NEB: variants seen among roughly 807,000 people sequenced by gnomAD.
NEB encodes nemaline myopathy type 2.
A neutral mutation model predicts 952.2 loss-of-function variants in NEB; 512 were observed. The observed-to-expected ratio is 0.54, with a 90% CI of 0.50 to 0.58. NEB has a LOEUF of 0.58. Among genes scored for constraint, NEB ranks in the 20% least tolerant of loss-of-function variants. The pLI is 0.00. For missense variants in NEB, 8,428 were observed against 9,231.1 expected, an observed-to-expected ratio of 0.91 and a Z score of 3.56; for synonymous variants, 2,900 against 3,149.8, an observed-to-expected ratio of 0.92 and a Z score of 2.66.
chr2:151,680,149 T>C (rs2099403524), intron 30 of NEB, 127 bp from the exon 31 acceptor site: 1 of 717,662 alleles, frequency 1.4e-6, no homozygotes, highest in African/African-American at 1.8e-5. Flanking sequence ...CTTTGTGCAT[T>C]TGCATATTCA....
chr2:151,688,105 C>T (rs2099516951), intron 25 of NEB, among the ~76,000 whole-genome samples, 187 bp downstream of exon 25: 1 of 152,132 alleles, frequency 6.6e-6, no homozygotes, highest in Non-Finnish European at 1.5e-5. Flanking sequence ...GTAACAGAGA[C>T]CACAGAAAAT....
rs191097958 is a variant in NEB, at chr2:151,627,238, T to C, written c.10144-33A>G. 6.1e-4 allele frequency: 965 copies of C among 1,588,534 alleles called. 2 individuals carry two copies. Among genetic ancestry groups the C allele is most frequent in the Non-Finnish European group, 5.8e-4 (680 of 1,165,340 alleles). On this transcript the variant is annotated intron_variant, in intron 69 of 181. Transcript: ENST00000397345. Reference sequence around the variant, plus strand: ...GATTAAACACAAAAGCGAGTATTACTGAAGTTGTTTTAACATGATTTCAAA... The same window carrying C: ...GATTAAACACAAAAGCGAGTATTACCGAAGTTGTTTTAACATGATTTCAAA...
At chr2:151,528,533 C>T (rs1275889014) in intron 146 of NEB, among the ~76,000 whole-genome samples, 1 of 152,186 alleles carries the variant, frequency 6.6e-6, no homozygotes, top group Non-Finnish European at 1.5e-5. Context: ...GCCCTCAATC[C>T]ATCCTCAGGA....
rs1671350391 is a variant in NEB, at chr2:151,640,302, G to A, written c.8685+53C>T. ...GCCATATATTGCCATTTTCTCCAAGGGGTGTTAAATAATTTCCCACCTCTG... is the reference window on the plus strand; with the variant it reads ...GCCATATATTGCCATTTTCTCCAAGAGGTGTTAAATAATTTCCCACCTCTG... On this transcript the variant is annotated intron_variant, in intron 61 of 181. Transcript: ENST00000397345. 25 of 1,587,694 alleles carry A rather than the reference G, an allele frequency of 1.6e-5. No homozygotes were observed. In the South Asian group the frequency reaches 2.9e-4, roughly 18 times the overall value.
At chr2:151,571,973 A>G (rs1336590384) in intron 107 of NEB, among the ~76,000 whole-genome samples, 2 of 152,218 alleles carry the variant, frequency 1.3e-5, no homozygotes, top group African/African-American at 2.4e-5. Context: ...GAGTAGGCCT[A>G]TTTTGACAAC....
rs753516486 is a variant in NEB, at chr2:151,514,360, A to G, written c.23085T>C (p.Pro7695=). The G allele has an allele frequency of 3.7e-6, 6 of 1,613,684 alleles. No individual in the cohort carries two copies. The East Asian group carries it at 1.3e-4, about 36-fold the overall frequency. The change falls in exon 159 of 182, where the codon CCT becomes CCC. Residue 7695 remains proline, a synonymous_variant. Coordinates refer to ENST00000397345, the MANE Select transcript of NEB (RefSeq NM_001164508.2). The part of the protein sequence containing the change: ...GKGLTEMEDT[P]DMLRAKNATQ... The stretch of plus-strand genomic sequence containing the variant: ...TGGCATTCTTTGCTCTTAGCATGTC[A>G]GGTGTATCTTCCATTTCAGTGAGGC...
At chr2:151,721,542 G>A (rs892587218) in intron 9 of NEB, among the ~76,000 whole-genome samples, 2 of 152,078 alleles carry the variant, frequency 1.3e-5, no homozygotes, top group African/African-American at 2.4e-5. Flanking sequence ...TTACTCACAC[G>A]TGTTCTGTCT....
chr2:151,486,686 A>G (rs2050719823), intron 181 of NEB: 1 of 152,140 alleles, frequency 6.6e-6, no homozygotes, highest in South Asian at 2.1e-4. Flanking sequence ...ATGGGGTAGT[A>G]ACAAGAATGA....
chr2:151,508,174 A>G (rs1401396173), intron 161 of NEB, 65 bp from the exon 162 acceptor site: 12 of 1,106,312 alleles, frequency 1.1e-5, no homozygotes, highest in Non-Finnish European at 1.6e-5. Flanking sequence ...ATGGGACCTA[A>G]AATAGGCTAT....
Position 151,545,996 on chromosome 2 carries a change from A to G in NEB, c.20469T>C (p.Ser6823=), listed in dbSNP as rs2153604226. Residue 6823 remains serine (S), a splice_region_variant and synonymous_variant, in exon 135 of 182, where the codon TCT becomes TCC. Transcript: ENST00000397345. The part of the protein sequence containing the change: ...VRSRHLRKLW[S]NYLYTDKARK... The stretch of plus-strand genomic sequence containing the variant: ...TTGCCTTATCAGTGTATAGGTAATT[A>G]GACTTAAAAAAAAAAAAAAAAACAG... 7.6e-7 allele frequency: 1 copy of G among 1,323,542 alleles called. No homozygotes were observed. Among genetic ancestry groups the G allele is most frequent in the Non-Finnish European group, 1.0e-6 (1 of 964,248 alleles). The allele number at this position is 1,323,542 out of a possible 1,614,324, so 82.0% of individuals were successfully genotyped here.
intron 145 of NEB, 83 bp downstream of exon 145, chr2:151,530,911 A>G (rs2090356248): frequency 3.5e-6 from 3 of 852,388 alleles, no homozygotes; most frequent in Admixed American, 4.8e-5. Context: ...TTACACAGGA[A>G]TAGATAACTG....
intron 114 of NEB, among the ~76,000 whole-genome samples, 190 bp downstream of exon 114, chr2:151,566,978 C>A (rs2153736786): frequency 6.6e-6 from 1 of 152,254 alleles, no homozygotes; most frequent in South Asian, 2.1e-4. Context: ...CTCAGAAATG[C>A]AGTCAGTAGG....
chr2:151,697,100 A>G, intron 16 of NEB, 48 bp downstream of exon 16: 1 of 1,377,392 alleles, frequency 7.3e-7, no homozygotes, highest in South Asian at 1.2e-5. Flanking sequence ...CCTGACCACT[A>G]GATGCTATGG....
At position 151,492,102 on chromosome 2, in the gene NEB, AAT is replaced by A; in HGVS notation, c.25051_25052del (p.Ile8351TyrfsTer9). ...CCCCAACCCAGGCTCAGTTACCTGT[AAT>A]AGTCTCCTGATCTTGGTCATTCCGT... ...QKRNDQDQET[I>X]TGLRVWRTNP... On this transcript the variant is annotated frameshift_variant, in exon 178 of 182. Transcript: ENST00000397345. LOFTEE classifies it high-confidence loss of function. The A allele has an allele frequency of 6.2e-7, 1 of 1,613,844 alleles. No individual in the cohort carries two copies. The highest frequency in any genetic ancestry group is 8.5e-7 in the Non-Finnish European group (1 of 1,179,796).
chr2:151,550,119 T>C (rs1016897566), intron 129 of NEB, among the ~76,000 whole-genome samples: 38 of 151,736 alleles, frequency 2.5e-4, no homozygotes, highest in African/African-American at 6.5e-4. Flanking sequence ...ATTTTAAAAT[T>C]AGCCAGGCAT....
At chr2:151,691,721 G>A (rs1020947219) in intron 23 of NEB, 143 bp downstream of exon 23, 36 of 659,736 alleles carry the variant, frequency 5.5e-5, no homozygotes, top group African/African-American at 3.3e-4. Flanking sequence ...TGTGTTCCCC[G>A]GTTCCACCCC....
intron 54 of NEB, among the ~76,000 whole-genome samples, chr2:151,647,559 G>A (rs2098976779): frequency 6.6e-6 from 1 of 152,206 alleles, no homozygotes; most frequent in African/African-American, 2.4e-5. Flanking sequence ...TAAGTTATTA[G>A]TAATAGAACA....
chr2:151,663,725 A>G lies in NEB; in HGVS notation c.5586T>C (p.Tyr1862=). ...TGTGGAAGGAGGTCTTGGATTTCTC[A>G]TATCCCTTCTTGTATTCCCGGTCTG... ...MQSDREYKKG[Y]EKSKTSFHTP... Residue 1862 remains tyrosine (Y), a synonymous_variant, in exon 45 of 182, where the codon TAT becomes TAC. Coordinates refer to ENST00000397345, the MANE Select transcript of NEB (RefSeq NM_001164508.2). The G allele has an allele frequency of 3.1e-6, 5 of 1,613,700 alleles. No homozygotes were observed. Among genetic ancestry groups the G allele is most frequent in the Non-Finnish European group, 4.2e-6 (5 of 1,179,742 alleles).
chr2:151,498,409 C>T, intron 169 of NEB, 57 bp from the exon 170 acceptor site: 1 of 1,316,912 alleles, frequency 7.6e-7, no homozygotes, highest in African/African-American at 1.5e-5. Flanking sequence ...CATTTTCCCC[C>T]TGCTTTGGAG....
Sources: gnomAD v4.1 joint callset for allele counts (sites outside exome capture counted in the v4.1 genomes callset) on GRCh38, gnomAD v4.1.1 for gene constraint, MANE v1.5 for transcripts, NCBI Gene and HGNC (gene_info 2026-07-23, HGNC 2026-07-21) for gene names.